Variants in BLTP2 observed in about 807,000 individuals in gnomAD.
BLTP2 encodes bridge-like lipid transfer protein family member 2.
chr17:28,635,459 C>T, the BLTP2 span: 1 of 1,614,158 alleles, frequency 6.2e-7, no homozygotes. Flanking sequence ...GAAGTAGTTC[C>T]TGAAGTCTCT....
At chr17:28,621,131 ACTTGCTGGG>A in the BLTP2 span, 2 of 1,614,156 alleles carry the variant, frequency 1.2e-6, no homozygotes, top group South Asian at 1.1e-5. Flanking sequence ...GATCCGCTGG[ACTTGCTGGG>A]CTTGCTGTGC....
chr17:28,638,298 A>G, the BLTP2 span: 1 of 1,613,412 alleles, frequency 6.2e-7, no homozygotes, highest in Non-Finnish European at 8.5e-7. Context: ...CCAAACATGC[A>G]TATTGGGTGG....
At chr17:28,623,582 GAAAAA>G in the BLTP2 span, among the ~76,000 whole-genome samples, 4 of 145,890 alleles carry the variant, frequency 2.7e-5, no homozygotes, top group African/African-American at 9.9e-5. Flanking sequence ...ACACCATGAG[GAAAAA>G]AAAAAAAAGC....
the BLTP2 span, chr17:28,637,153 G>C: frequency 6.2e-7 from 1 of 1,614,084 alleles, no homozygotes; most frequent in Non-Finnish European, 8.5e-7. Context: ...AGGGTGTCCA[G>C]TCGTACCTCT....
the BLTP2 span, among the ~76,000 whole-genome samples, chr17:28,628,919 G>A: frequency 6.6e-6 from 1 of 151,028 alleles, no homozygotes; most frequent in African/African-American, 2.4e-5. Context: ...AGGCGACAGA[G>A]AGAGACGCAG....
the BLTP2 span, chr17:28,634,488 G>T: frequency 2.5e-6 from 4 of 1,590,010 alleles, no homozygotes; most frequent in South Asian, 1.1e-5. Context: ...GCAAACACGG[G>T]GTCTGCAAAT....
the BLTP2 span, chr17:28,616,286 A>G: frequency 1.2e-6 from 2 of 1,602,730 alleles, no homozygotes; most frequent in South Asian, 2.2e-5. The surrounding 1 kb of genome is among the most constrained non-coding windows in gnomAD (Gnocchi z 4.8). Flanking sequence ...TATCCCTAGA[A>G]TGGACTTAGA....
At chr17:28,639,315 C>T in the BLTP2 span, 14 of 1,613,918 alleles carry the variant, frequency 8.7e-6, no homozygotes, top group Non-Finnish European at 1.2e-5. Context: ...TCAGACTGAC[C>T]TTTTTTTCCT....
chr17:28,625,092 C>G, the BLTP2 span, among the ~76,000 whole-genome samples: 1 of 151,938 alleles, frequency 6.6e-6, no homozygotes, highest in African/African-American at 2.4e-5. Context: ...AATCCCAGCA[C>G]TTTGGGAGGC....
At chr17:28,632,162 CACTTGTCCA>C in the BLTP2 span, 1 of 1,614,114 alleles carries the variant, frequency 6.2e-7, no homozygotes, top group Non-Finnish European at 8.5e-7. Context: ...GGCCTTGTGA[CACTTGTCCA>C]AGTTGCCCAG....
At chr17:28,630,983 T>C in the BLTP2 span, among the ~76,000 whole-genome samples, 3 of 152,352 alleles carry the variant, frequency 2.0e-5, no homozygotes, top group South Asian at 2.1e-4. Context: ...CCAAATGAGT[T>C]TGTCATAAAG....
At chr17:28,618,878 G>A in the BLTP2 span, 1 of 1,614,088 alleles carries the variant, frequency 6.2e-7, no homozygotes, top group Admixed American at 1.7e-5. Context: ...CCTGAGCAAA[G>A]TAAAACTCAG....
the BLTP2 span, among the ~76,000 whole-genome samples, chr17:28,625,334 CAA>C: frequency 6.9e-5 from 2 of 29,062 alleles, no homozygotes; most frequent in Non-Finnish European, 1.3e-4. Flanking sequence ...GACTCCGTCT[CAA>C]AAAAAAAAAA....
chr17:28,643,283 C>G, the BLTP2 span: 1 of 1,614,186 alleles, frequency 6.2e-7, no homozygotes, highest in Non-Finnish European at 8.5e-7. Flanking sequence ...CTGATACGCA[C>G]TTCTCCAAAG....
At chr17:28,638,690 T>G in the BLTP2 span, 2 of 1,076,774 alleles carry the variant, frequency 1.9e-6, no homozygotes, top group Non-Finnish European at 2.8e-6. Flanking sequence ...GAACTGCAGC[T>G]TCCTATCATG....
At chr17:28,635,435 G>A in the BLTP2 span, 83 of 1,614,098 alleles carry the variant, frequency 5.1e-5, no homozygotes, top group South Asian at 2.4e-4. Context: ...TCAGGGGCAC[G>A]GCCTTCTAGC....
the BLTP2 span, chr17:28,639,550 A>G: frequency 6.2e-7 from 1 of 1,613,672 alleles, no homozygotes; most frequent in Non-Finnish European, 8.5e-7. Context: ...GAAAGGAACA[A>G]TTCTTGGTAC....
chr17:28,640,290 G>A, the BLTP2 span: 1 of 497,976 alleles, frequency 2.0e-6, no homozygotes, highest in Non-Finnish European at 3.6e-6. Context: ...CTATTCGGGA[G>A]GCTGAGGCAG....
At chr17:28,632,013 A>G in the BLTP2 span, 2 of 1,608,702 alleles carry the variant, frequency 1.2e-6, no homozygotes, top group South Asian at 1.1e-5. Context: ...GAAGCAGAAT[A>G]AAGTGAAGAT....
Sources: gnomAD v4.1 joint callset for allele counts (sites outside exome capture counted in the v4.1 genomes callset) on GRCh38, gnomAD v4.1.1 for gene constraint, Gnocchi (gnomAD v3.1) non-coding constraint, MANE v1.5 for transcripts, NCBI Gene and HGNC (gene_info 2026-07-23, HGNC 2026-07-21) for gene names.